PTPN13: variants seen among roughly 807,000 people sequenced by gnomAD.
The protein encoded by PTPN13 is protein tyrosine phosphatase non-receptor type 13.
PTPN13 carries 191 observed loss-of-function variants against 284.0 expected under a neutral mutation model. The observed-to-expected ratio is 0.67, with a 90% CI of 0.60 to 0.76. The LOEUF (loss-of-function observed/expected upper bound fraction) is 0.76. Ranked by LOEUF, PTPN13 falls within the 30% of genes least tolerant of loss-of-function variation. The pLI is 0.00. For synonymous variants in PTPN13, 986 were observed against 1,022.3 expected (o/e 0.96, Z 0.68); for missense variants, 2,797 against 2,939.9 (o/e 0.95, Z 1.12).
chr4:86,701,156 A>G lies in PTPN13; in HGVS notation c.635-85A>G, dbSNP rs995465396. Reference sequence around the variant, plus strand: ...CATTTGGAGCATTTAGGAAATTGCCACCACTTTCATTGTCAATAGTGGATT... The same window carrying G: ...CATTTGGAGCATTTAGGAAATTGCCGCCACTTTCATTGTCAATAGTGGATT... On this transcript the variant is annotated intron_variant, in intron 6 of 47. Coordinates refer to ENST00000411767, the MANE Select transcript of PTPN13 (RefSeq NM_080683.3). 7 of 1,063,556 alleles carry G rather than the reference A, an allele frequency of 6.6e-6. No individual in the cohort carries two copies. In the Admixed American group the frequency reaches 9.2e-5, roughly 14 times the overall value. The allele number at this position is 1,063,556 out of a possible 1,614,324, so 65.9% of individuals were successfully genotyped here.
chr4:86,665,125 A>G (rs1726920018), intron 2 of PTPN13, among the ~76,000 whole-genome samples: 1 of 152,172 alleles, frequency 6.6e-6, no homozygotes, highest in South Asian at 2.1e-4. Flanking sequence ...GAAGTACATA[A>G]CAAAACACAA....
chr4:86,803,983 TATC>T (rs1744368930), intron 43 of PTPN13, 126 bp downstream of exon 43: 1 of 954,428 alleles, frequency 1.0e-6, no homozygotes, highest in East Asian at 2.4e-5. Flanking sequence ...AGCACCACCT[TATC>T]ATATCTAGCA....
chr4:86,659,426 T>G (rs1726220783), intron 2 of PTPN13, among the ~76,000 whole-genome samples: 2 of 152,164 alleles, frequency 1.3e-5, no homozygotes, highest in African/African-American at 4.8e-5. Flanking sequence ...ACAAGCATAC[T>G]TAGAAGTTTT....
intron 1 of PTPN13, among the ~76,000 whole-genome samples, chr4:86,608,274 T>C (rs1006219943): frequency 6.6e-6 from 1 of 152,102 alleles, no homozygotes; most frequent in Non-Finnish European, 1.5e-5. Context: ...GAATTCACTA[T>C]GTATAGAATC....
chr4:86,600,998 A>G (rs1304042219), intron 1 of PTPN13, among the ~76,000 whole-genome samples: 1 of 152,016 alleles, frequency 6.6e-6, no homozygotes, highest in Admixed American at 6.5e-5. Flanking sequence ...TGAACACCAT[A>G]TTGATTAAAT....
At chr4:86,621,516 T>C (rs914566451) in intron 1 of PTPN13, among the ~76,000 whole-genome samples, 1 of 152,158 alleles carries the variant, frequency 6.6e-6, no homozygotes, top group African/African-American at 2.4e-5. Flanking sequence ...AATGCAAAAC[T>C]GTACTTGAGC....
intron 40 of PTPN13, 73 bp downstream of exon 40, chr4:86,786,009 T>G: frequency 9.5e-6 from 7 of 740,404 alleles, no homozygotes; most frequent in African/African-American, 1.8e-5. Context: ...GAAGGTGAAA[T>G]AATCAGAGAT....
chr4:86,645,212 C>G (rs189679917), intron 2 of PTPN13, among the ~76,000 whole-genome samples: 1 of 152,154 alleles, frequency 6.6e-6, no homozygotes, highest in Non-Finnish European at 1.5e-5. Context: ...AACAAACAAA[C>G]AAGCAAACTC....
chr4:86,800,686 G>A (rs1412681957), intron 42 of PTPN13, among the ~76,000 whole-genome samples: 3 of 148,174 alleles, frequency 2.0e-5, no homozygotes, highest in Admixed American at 2.0e-4. Context: ...AGAGAGAGAA[G>A]GAGAGAAGGG....
intron 2 of PTPN13, among the ~76,000 whole-genome samples, chr4:86,669,639 A>C (rs1410896603): frequency 6.6e-6 from 1 of 152,120 alleles, no homozygotes; most frequent in East Asian, 1.9e-4. Context: ...TGGTGCTACC[A>C]TGCTGAGGAG....
At chr4:86,673,973 C>T (rs1006864146) in intron 3 of PTPN13, among the ~76,000 whole-genome samples, 1 of 152,134 alleles carries the variant, frequency 6.6e-6, no homozygotes, top group Non-Finnish European at 1.5e-5. Context: ...TCCCAAAGTG[C>T]TGGGATTACA....
chr4:86,741,648 G>A lies in PTPN13; in HGVS notation c.2319G>A (p.Leu773=). The A allele has an allele frequency of 6.2e-7, 1 of 1,613,160 alleles. No homozygotes were observed. The highest frequency in any genetic ancestry group is 8.5e-7 in the Non-Finnish European group (1 of 1,179,342). ...ELEFLKVCQR[L]TEYGVHFHRV... ...TATTCCAACAGGTCTGCCAAAGACT[G>A]ACAGAATATGGAGTTCATTTTCACC... The change falls in exon 16 of 48, where the codon CTG becomes CTA. Residue 773 remains leucine, a synonymous_variant. Transcript: ENST00000411767.
At chr4:86,665,935 T>C (rs530284634) in intron 2 of PTPN13, among the ~76,000 whole-genome samples, 2 of 152,306 alleles carry the variant, frequency 1.3e-5, no homozygotes, top group Admixed American at 6.5e-5. Context: ...TAGATAATAA[T>C]AGTCACCACT....
rs564774166 is a variant in PTPN13 at position 86,624,951 on chromosome 4, A to T, written c.-5-10301A>T. Among the ~76,000 whole-genome samples the T allele has an allele frequency of 3.9e-4, 59 of 152,306 alleles. No homozygotes were observed. The South Asian group carries it at 0.011, about 29-fold the overall frequency. On this transcript the variant is annotated intron_variant, in intron 1 of 47. Coordinates refer to ENST00000411767, the MANE Select transcript of PTPN13 (RefSeq NM_080683.3). ...AAGCCATTCTTTGAGGGTATATATA[A>T]GCACATGGGCAGGTATATGAAGCAT...
At position 86,732,754 on chromosome 4, in the gene PTPN13, G is replaced by A; in HGVS notation, c.1846G>A (p.Ala616Thr). 1.2e-6 allele frequency: 2 copies of A among 1,612,578 alleles called. No individual in the cohort carries two copies. Among genetic ancestry groups the A allele is most frequent in the Non-Finnish European group, 1.7e-6 (2 of 1,179,230 alleles). The change falls in exon 12 of 48, where the codon GCT becomes ACT. Residue 616 changes from alanine to threonine, a missense_variant. Ala to Thr is a moderately conservative substitution (Grantham distance 58, BLOSUM62 0). Transcript: ENST00000411767. Reference protein sequence around the residue: ...GLVEHHLFALATLKDNEYFFV... With the variant: ...GLVEHHLFALTTLKDNEYFFV... ...AGTAGAGCATCATTTGTTTGCTTTAGCTACCCTCAAAGGTACCAAGACATT... is the reference window on the plus strand; with the variant it reads ...AGTAGAGCATCATTTGTTTGCTTTAACTACCCTCAAAGGTACCAAGACATT...
At chr4:86,678,411 C>T (rs914512996) in intron 3 of PTPN13, among the ~76,000 whole-genome samples, 5 of 152,096 alleles carry the variant, frequency 3.3e-5, no homozygotes, top group Non-Finnish European at 5.9e-5. Flanking sequence ...AATGTGTCTT[C>T]GTATATTCTT....
At chr4:86,767,772 C>G in intron 27 of PTPN13, 45 bp from the exon 28 acceptor site, 2 of 1,384,916 alleles carry the variant, frequency 1.4e-6, no homozygotes, top group Non-Finnish European at 2.0e-6. Flanking sequence ...TATCTATTTT[C>G]TTAGCATTCT....
intron 1 of PTPN13, among the ~76,000 whole-genome samples, chr4:86,607,942 C>G (rs755008676): frequency 3.0e-4 from 46 of 151,936 alleles, no homozygotes; most frequent in Non-Finnish European, 5.2e-4. Flanking sequence ...AGATGCTCAT[C>G]ACAGCATTAT....
intron 1 of PTPN13, among the ~76,000 whole-genome samples, chr4:86,611,372 G>A (rs1719866612): frequency 6.6e-6 from 1 of 152,168 alleles, no homozygotes; most frequent in South Asian, 2.1e-4. Context: ...CTAGAGGGGT[G>A]ATCTCATAAC....
Sources: allele counts gnomAD v4.1 joint callset (sites outside exome capture counted in the v4.1 genomes callset), GRCh38; gene constraint gnomAD v4.1.1; transcripts MANE v1.5; gene names NCBI Gene and HGNC (gene_info 2026-07-23, HGNC 2026-07-21).